Variants in CCR3 observed in about 807,000 individuals in gnomAD.
CCR3 encodes the protein C-C motif chemokine receptor 3.
For missense variants in CCR3, 419 were observed against 437.5 expected, an observed-to-expected ratio of 0.96 and a Z score of 0.38; for synonymous variants, 203 against 179.2, an observed-to-expected ratio of 1.13 and a Z score of -1.06.
At chr3:46,218,191 C>T (rs983566474) in intron 2 of CCR3, among the ~76,000 whole-genome samples, 5 of 151,922 alleles carry the variant, frequency 3.3e-5, no homozygotes, top group Admixed American at 6.6e-5. Flanking sequence ...TATAAGCAAA[C>T]TTATGTGCAC....
chr3:46,228,202 A>G (rs924491418), intron 2 of CCR3, among the ~76,000 whole-genome samples: 2 of 149,714 alleles, frequency 1.3e-5, no homozygotes, highest in Non-Finnish European at 3.0e-5. Context: ...CAGCCTTTCC[A>G]ATCTCACTGG....
At chr3:46,238,697 T>C (rs1700046387), upstream of CCR3, among the ~76,000 whole-genome samples, 1 of 152,148 alleles carries the variant, frequency 6.6e-6, no homozygotes, top group Non-Finnish European at 1.5e-5. Flanking sequence ...ACTTGCCAAG[T>C]CACAGCGTAG....
upstream of CCR3, among the ~76,000 whole-genome samples, chr3:46,239,257 A>G (rs779180681): frequency 4.6e-5 from 7 of 152,260 alleles, no homozygotes; most frequent in Non-Finnish European, 1.0e-4. Flanking sequence ...CGAATTAGCT[A>G]TTAAAAATCT....
intron 2 of CCR3, among the ~76,000 whole-genome samples, chr3:46,235,882 T>A (rs537499487): frequency 6.6e-6 from 1 of 152,340 alleles, no homozygotes; most frequent in East Asian, 1.9e-4. Flanking sequence ...CATCAAATAC[T>A]CTTCCTTGCA....
chr3:46,246,701 T>C (rs1163286750), intron 1 of CCR3, among the ~76,000 whole-genome samples: 1 of 151,438 alleles, frequency 6.6e-6, no homozygotes, highest in Non-Finnish European at 1.5e-5. Flanking sequence ...ATGGGATAGC[T>C]TGGCTTGGGC....
chr3:46,244,550 T>G lies in CCR3; in HGVS notation c.-12+2012T>G, dbSNP rs183998127. ...AATTACAGTCAAAGGGGACTTGTTCTCTGGCGGGCAGGAGTGGGGGTCACA... is the reference window on the plus strand; with the variant it reads ...AATTACAGTCAAAGGGGACTTGTTCGCTGGCGGGCAGGAGTGGGGGTCACA... On this transcript the variant is annotated intron_variant, in intron 1 of 1. Coordinates refer to ENST00000395940, the MANE Select transcript of CCR3 (RefSeq NM_178329.3). 1.5e-3 allele frequency among the ~76,000 whole-genome samples: 228 copies of G among 152,304 alleles called. 1 individual carries two copies. The highest frequency in any genetic ancestry group is 6.8e-3 in the Middle Eastern group (2 of 294).
rs1700608885 is a variant in CCR3, at chr3:46,265,568, A to G, written c.410A>G (p.His137Arg). Reference protein sequence around the residue: ...LTIDRYLAIVHAVFALRARTV... With the variant: ...LTIDRYLAIVRAVFALRARTV... ...ATCGACAGGTACCTGGCCATTGTCC[A>G]TGCTGTGTTTGCCCTTCGAGCCCGG... The change falls in exon 2 of 2, where the codon CAT becomes CGT. Residue 137 changes from histidine to arginine, a missense_variant. Coordinates refer to ENST00000395940, the MANE Select transcript of CCR3 (RefSeq NM_178329.3). 1.9e-6 allele frequency: 3 copies of G among 1,614,006 alleles called. No homozygotes were observed. Among genetic ancestry groups the G allele is most frequent in the South Asian group, 2.2e-5 (2 of 91,078 alleles).
intron 2 of CCR3, among the ~76,000 whole-genome samples, chr3:46,214,722 C>T (rs1257956867): frequency 6.6e-6 from 1 of 152,160 alleles, no homozygotes; most frequent in African/African-American, 2.4e-5. Context: ...GTGCCTCCAC[C>T]TTTCCTCCCT....
chr3:46,238,982 T>A (rs781150242), upstream of CCR3, among the ~76,000 whole-genome samples: 2 of 152,190 alleles, frequency 1.3e-5, no homozygotes, highest in Admixed American at 6.5e-5. Flanking sequence ...AGGTACTTTT[T>A]GAGGTGTGAA....
At chr3:46,236,167 C>T (rs1700022092) in intron 2 of CCR3, among the ~76,000 whole-genome samples, 1 of 152,218 alleles carries the variant, frequency 6.6e-6, no homozygotes, top group Non-Finnish European at 1.5e-5. Context: ...CCAACGGGAA[C>T]TGCCTCCTTG....
chr3:46,231,821 C>T (rs1699968954), intron 2 of CCR3, among the ~76,000 whole-genome samples: 1 of 152,138 alleles, frequency 6.6e-6, no homozygotes, highest in Non-Finnish European at 1.5e-5. Context: ...CATTATTCAT[C>T]CACCCCTCTT....
chr3:46,263,205 C>G (rs2125935878), intron 1 of CCR3, among the ~76,000 whole-genome samples: 1 of 152,294 alleles, frequency 6.6e-6, no homozygotes, highest in Non-Finnish European at 1.5e-5. Flanking sequence ...AAAGTTTGAC[C>G]TGTTTTTAAA....
chr3:46,265,280 A>T lies in CCR3; in HGVS notation c.122A>T (p.Tyr41Phe). The stretch of plus-strand genomic sequence containing the variant: ...ATGGCCCAGTTTGTGCCCCCGCTGT[A>T]CTCCCTGGTGTTCACTGTGGGCCTC... The part of the protein sequence containing the change: ...ALMAQFVPPL[Y>F]SLVFTVGLLG... The change falls in exon 2 of 2, where the codon TAC becomes TTC. Residue 41 changes from tyrosine (Y) to phenylalanine (F), a missense_variant. Tyr to Phe is a conservative substitution (Grantham distance 22, BLOSUM62 3). Transcript: ENST00000395940. 6.2e-7 allele frequency: 1 copy of T among 1,613,672 alleles called. No homozygotes were observed. The highest frequency in any genetic ancestry group is 2.2e-5 in the East Asian group (1 of 44,832).
At chr3:46,251,741 T>A (rs1474746988) in intron 1 of CCR3, among the ~76,000 whole-genome samples, 2 of 152,026 alleles carry the variant, frequency 1.3e-5, no homozygotes, top group Non-Finnish European at 2.9e-5. Context: ...GGCTGTTTTA[T>A]AGGATTTGGG....
chr3:46,240,801 CT>C (rs1309596904), upstream of CCR3, among the ~76,000 whole-genome samples: 1 of 152,176 alleles, frequency 6.6e-6, no homozygotes, highest in Non-Finnish European at 1.5e-5. Flanking sequence ...GTAGAGCACG[CT>C]GAGGCACACA....
intron 1 of CCR3, among the ~76,000 whole-genome samples, chr3:46,260,125 C>T (rs745762067): frequency 9.9e-5 from 15 of 152,178 alleles, no homozygotes; most frequent in Non-Finnish European, 2.2e-4. Context: ...ATCAGGAGAA[C>T]AGTGCAGGAA....
intron 2 of CCR3, among the ~76,000 whole-genome samples, chr3:46,236,024 G>A (rs1700020511): frequency 6.6e-6 from 1 of 152,114 alleles, no homozygotes; most frequent in East Asian, 1.9e-4. Context: ...TTTGTTTGAT[G>A]TGGAATATTT....
chr3:46,242,963 G>GTATATATATATATATACACATATA (rs1553644060), intron 1 of CCR3, among the ~76,000 whole-genome samples: 60 of 86,270 alleles, frequency 7.0e-4, no homozygotes, highest in African/African-American at 2.7e-3. Context: ...ATATATATGT[G>GTATATATATATATATACACATATA]TATATATATA....
At chr3:46,229,605 T>C (rs894803566) in intron 2 of CCR3, among the ~76,000 whole-genome samples, 11 of 151,928 alleles carry the variant, frequency 7.2e-5, no homozygotes, top group African/African-American at 2.7e-4. Flanking sequence ...GAATCTCTGG[T>C]TGGGGGAGGT....
Sources: gnomAD v4.1 joint callset for allele counts (sites outside exome capture counted in the v4.1 genomes callset) on GRCh38, gnomAD v4.1.1 for gene constraint, MANE v1.5 for transcripts, NCBI Gene and HGNC (gene_info 2026-07-23, HGNC 2026-07-21) for gene names.